DUSP15: variants seen among roughly 807,000 people sequenced by gnomAD.
The protein encoded by DUSP15 is dual specificity phosphatase 15.
A neutral mutation model predicts 26.3 loss-of-function variants in DUSP15; 23 were observed. The observed-to-expected ratio is 0.87, with a 90% CI of 0.63 to 1.24. The LOEUF (loss-of-function observed/expected upper bound fraction) is 1.24. DUSP15 is among the 50% of genes most tolerant of loss of function. The probability of loss-of-function intolerance (pLI) is 0.00; values close to 1 mark genes in which losing one functional copy is unlikely to be tolerated. For missense variants in DUSP15, 364 were observed against 320.6 expected, an observed-to-expected ratio of 1.14 and a Z score of -1.03; for synonymous variants, 143 against 135.5, an observed-to-expected ratio of 1.06 and a Z score of -0.39.
At chr20:31,863,082 G>C (rs372071736) in intron 5 of DUSP15, among the ~76,000 whole-genome samples, 3,059 of 152,182 alleles carry the variant, frequency 0.02, 120 homozygotes, top group African/African-American at 0.07. Flanking sequence ...GGCTGGGGGG[G>C]GGGGACAGAC....
intron 5 of DUSP15, 44 bp downstream of exon 5, chr20:31,863,863 C>A: frequency 6.3e-7 from 1 of 1,581,836 alleles, no homozygotes; most frequent in Non-Finnish European, 8.7e-7. Context: ...GAGGGCACAG[C>A]CACTTCCTTC....
chr20:31,847,476 A>C (rs1047069973), downstream of DUSP15, among the ~76,000 whole-genome samples: 2 of 152,184 alleles, frequency 1.3e-5, no homozygotes, highest in Non-Finnish European at 2.9e-5. Context: ...TGACTAAACA[A>C]ACAGCAATTG....
chr20:31,850,738 G>T lies in DUSP15; in HGVS notation c.427-62C>A, dbSNP rs900824547. On this transcript the variant is annotated intron_variant, in intron 6 of 9. Transcript: ENST00000278979. ...CCCTGACCCCAGACCCATAGATAAG[G>T]AGGAGGCCAGGGAGGAGGCAGGGCT... is the stretch of plus-strand genomic sequence containing the variant. 22 of 1,547,298 alleles carry T rather than the reference G, an allele frequency of 1.4e-5. No homozygotes were observed. The Admixed American group carries it at 3.9e-4, about 27-fold the overall frequency.
At chr20:31,848,610 G>A (rs1279456634) in intron 9 of DUSP15, 6 of 1,508,250 alleles carry the variant, frequency 4.0e-6, no homozygotes, top group East Asian at 2.4e-5. Context: ...TCCATTTCCC[G>A]CCTCGGATGT....
At position 31,861,196 on chromosome 20, in the gene DUSP15, G is replaced by A; in HGVS notation, c.*207C>T. On this transcript the variant is annotated 3_prime_UTR_variant, in exon 7 of 7. Coordinates refer to ENST00000339738, the MANE Select transcript of DUSP15 (RefSeq NM_080611.5). The stretch of plus-strand genomic sequence containing the variant: ...CAGCCCAAGGACTAAGGCACCAGGT[G>A]GCTGCAGCAGGCCGGCCCGGACACA... 3 of 1,349,204 alleles carry A rather than the reference G, an allele frequency of 2.2e-6. No individual in the cohort carries two copies. Among genetic ancestry groups the A allele is most frequent in the Non-Finnish European group, 9.5e-7 (1 of 1,057,094 alleles). 83.6% of individuals were successfully genotyped at this position (1,349,204 alleles called of 1,614,324 possible). A position where few individuals can be genotyped will look rare whatever the true frequency, so the allele number is the denominator to read the frequency against.
In DUSP15 at chr20:31,862,759, C is replaced by A. The variant is rs199599957; in HGVS notation, c.264-17G>T. The A allele has an allele frequency of 6.3e-6, 10 of 1,580,666 alleles. No individual in the cohort carries two copies. The highest frequency in any genetic ancestry group is 1.7e-4 in the Middle Eastern group (1 of 5,912). On this transcript the variant is annotated splice_polypyrimidine_tract_variant and intron_variant, in intron 5 of 6. Transcript: ENST00000339738. ...CCTGCAAAGCTGGGATCCCCAACAA[C>A]CCCTCAGGCTTCAAGTAAGATCCAA...
chr20:31,857,168 G>C (rs2062574509), downstream of DUSP15, among the ~76,000 whole-genome samples: 1 of 152,048 alleles, frequency 6.6e-6, no homozygotes, highest in African/African-American at 2.4e-5. Context: ...AGGGGCTGGA[G>C]GTGACTTTGG....
At chr20:31,869,920 T>G in intron 1 of DUSP15, 2 of 1,345,866 alleles carry the variant, frequency 1.5e-6, no homozygotes, top group Non-Finnish European at 1.9e-6. Flanking sequence ...GGATGGAAAT[T>G]CTGGGGCTGG....
At chr20:31,865,120 T>C in intron 3 of DUSP15, 118 bp from the exon 4 acceptor site, 1 of 1,084,842 alleles carries the variant, frequency 9.2e-7, no homozygotes, top group Middle Eastern at 2.6e-4. Context: ...TCTGGCCCAC[T>C]GTGGTCCTCT....
intron 8 of DUSP15, among the ~76,000 whole-genome samples, chr20:31,849,298 T>C (rs1438010442): frequency 6.6e-6 from 1 of 152,062 alleles, no homozygotes; most frequent in Non-Finnish European, 1.5e-5. Flanking sequence ...CAGCACCCCA[T>C]ATACGCCTGT....
chr20:31,870,149 GA>G lies in DUSP15; in HGVS notation c.21+167del. 2 of 1,230,352 alleles carry G rather than the reference GA, an allele frequency of 1.6e-6. No individual in the cohort carries two copies. The highest frequency in any genetic ancestry group is 2.0e-6 in the Non-Finnish European group (2 of 985,948). 76.2% of individuals were successfully genotyped at this position (1,230,352 alleles called of 1,614,324 possible). A position where few individuals can be genotyped will look rare whatever the true frequency, so the allele number is the denominator to read the frequency against. ...GCGGGGACAGAGACGCAGGGTCAGAGAGGGGGAGACCCGACAGCCGCGGTCT... is the reference window on the plus strand; with the variant it reads ...GCGGGGACAGAGACGCAGGGTCAGAGGGGGGAGACCCGACAGCCGCGGTCT... On this transcript the variant is annotated intron_variant, in intron 1 of 6. Transcript: ENST00000339738. The surrounding 1 kb of genome is among the most constrained non-coding windows in gnomAD (Gnocchi z 6.6).
chr20:31,862,859 G>T, intron 5 of DUSP15, 117 bp from the exon 6 acceptor site: 1 of 1,055,472 alleles, frequency 9.5e-7, no homozygotes, highest in Non-Finnish European at 1.3e-6. Context: ...AACCATAAGG[G>T]ACCTGTCAGG....
In DUSP15 at chr20:31,863,961, C is replaced by T. The variant is rs761950157; in HGVS notation, c.209G>A (p.Cys70Tyr). ...GCGGCAGCAGTGGATGAAGTTGATA[C>T]ATTCTTTGAAGTGCTTTTTGCTAGA... is the stretch of plus-strand genomic sequence containing the variant. ...EVPIKKHFKECINFIHCCRLN... is the reference protein window; with the variant it reads ...EVPIKKHFKEYINFIHCCRLN... The change falls in exon 5 of 7, where the codon TGT becomes TAT. Residue 70 changes from cysteine (C) to tyrosine (Y), a missense_variant. Cys to Tyr is a radical substitution (Grantham distance 194). Coordinates refer to ENST00000339738, the MANE Select transcript of DUSP15 (RefSeq NM_080611.5). 2 of 1,613,834 alleles carry T rather than the reference C, an allele frequency of 1.2e-6. No individual in the cohort carries two copies. The highest frequency in any genetic ancestry group is 1.7e-6 in the Non-Finnish European group (2 of 1,179,854).
At chr20:31,859,029 A>G (rs1007151344), downstream of DUSP15, among the ~76,000 whole-genome samples, 5 of 152,178 alleles carry the variant, frequency 3.3e-5, no homozygotes, top group African/African-American at 7.2e-5. Flanking sequence ...CAGTGTCTCA[A>G]TTGGTTCTCA....
chr20:31,854,995 C>A (rs983108063), intron 6 of DUSP15, among the ~76,000 whole-genome samples: 1 of 152,120 alleles, frequency 6.6e-6, no homozygotes, highest in Non-Finnish European at 1.5e-5. Flanking sequence ...ACACTGAACT[C>A]GCAACCAACA....
At chr20:31,867,614 G>A (rs2062795728) in intron 2 of DUSP15, among the ~76,000 whole-genome samples, 1 of 144,860 alleles carries the variant, frequency 6.9e-6, no homozygotes, top group African/African-American at 2.6e-5. Flanking sequence ...ATGCTGATGT[G>A]CAATGATGCC....
chr20:31,869,855 G>A, intron 1 of DUSP15: 1 of 1,412,778 alleles, frequency 7.1e-7, no homozygotes, highest in Non-Finnish European at 9.2e-7. Flanking sequence ...GGGGAGAGGA[G>A]GAAGGCAGGT....
At chr20:31,846,468 GAGAGAGA>G (rs879944582), downstream of DUSP15, among the ~76,000 whole-genome samples, 41,307 of 149,938 alleles carry the variant, frequency 0.28, 6,738 homozygotes, top group African/African-American at 0.45. Flanking sequence ...GAGAGAGAGA[GAGAGAGA>G]GGAGAGAGAG....
chr20:31,850,714 C>A, intron 6 of DUSP15: 9 of 1,596,460 alleles, frequency 5.6e-6, no homozygotes, highest in Non-Finnish European at 7.7e-6. Context: ...ACCATCTCAC[C>A]CTGACCCCAG....
Sources: gnomAD v4.1 joint callset for allele counts (sites outside exome capture counted in the v4.1 genomes callset) on GRCh38, gnomAD v4.1.1 for gene constraint, Gnocchi (gnomAD v3.1) non-coding constraint, MANE v1.5 for transcripts, NCBI Gene and HGNC (gene_info 2026-07-23, HGNC 2026-07-21) for gene names.